The following GRIA1 variants were observed in gnomAD, a reference collection of about 807,000 sequenced individuals.
GRIA1 encodes glutamate ionotropic receptor AMPA type subunit 1, also known as glutamate receptor 1.
Under a neutral mutation model 99.2 loss-of-function variants are expected in GRIA1, and 31 were observed. That is an observed-to-expected ratio of 0.31 (90% confidence interval 0.23 to 0.42). The LOEUF is 0.42. Among genes scored for constraint, GRIA1 ranks in the 10% least tolerant of loss-of-function variants. The pLI, the probability that GRIA1 is intolerant of heterozygous loss-of-function variation, is 1.00. For synonymous variants in GRIA1, 438 were observed against 432.4 expected (o/e 1.01, Z -0.16); for missense variants, 782 against 1,157.5 (o/e 0.68, Z 4.71).
At chr5:153,647,483 T>C (rs570471273) in intron 3 of GRIA1, among the ~76,000 whole-genome samples, 1 of 152,260 alleles carries the variant, frequency 6.6e-6, no homozygotes, top group South Asian at 2.1e-4. Context: ...CTAGGTTCTG[T>C]CCTCTCCAGC....
chr5:153,731,210 TTCTCTCTG>T (rs1561810005), intron 11 of GRIA1, among the ~76,000 whole-genome samples: 2 of 151,452 alleles, frequency 1.3e-5, no homozygotes, highest in South Asian at 2.1e-4. Flanking sequence ...CTCTCTCTCT[TTCTCTCTG>T]TCTCTCTTTC....
At chr5:153,745,898 T>G (rs1762126879) in intron 11 of GRIA1, among the ~76,000 whole-genome samples, 1 of 152,222 alleles carries the variant, frequency 6.6e-6, no homozygotes, top group Non-Finnish European at 1.5e-5. Context: ...CATCTTTCAC[T>G]TCTGAGAGTG....
At chr5:153,554,270 C>T (rs1401971220) in intron 2 of GRIA1, among the ~76,000 whole-genome samples, 2 of 152,150 alleles carry the variant, frequency 1.3e-5, no homozygotes, top group African/African-American at 4.8e-5. Flanking sequence ...AAACATTTCT[C>T]AGGACCAGAA....
intron 11 of GRIA1, among the ~76,000 whole-genome samples, chr5:153,743,736 G>A (rs1024058070): frequency 6.6e-6 from 1 of 152,178 alleles, no homozygotes; most frequent in African/African-American, 2.4e-5. Context: ...AAGTTCAACT[G>A]ATTAATAAAC....
At chr5:153,726,327 A>G (rs2149549601) in intron 11 of GRIA1, among the ~76,000 whole-genome samples, 1 of 149,260 alleles carries the variant, frequency 6.7e-6, no homozygotes, top group East Asian at 2.0e-4. Flanking sequence ...CACAATTAAA[A>G]GAACTAGAAA....
At chr5:153,637,680 G>T (rs1207101786) in intron 2 of GRIA1, among the ~76,000 whole-genome samples, 2 of 152,122 alleles carry the variant, frequency 1.3e-5, no homozygotes, top group East Asian at 3.9e-4. Context: ...ATACATTAAG[G>T]CTGGTGGGGT....
intron 11 of GRIA1, among the ~76,000 whole-genome samples, chr5:153,739,709 C>G (rs1761646400): frequency 6.6e-6 from 1 of 152,202 alleles, no homozygotes; most frequent in Non-Finnish European, 1.5e-5. Context: ...AATCTTTTCT[C>G]AACTTCATCC....
chr5:153,549,968 G>A (rs1001431137), intron 2 of GRIA1, among the ~76,000 whole-genome samples: 9 of 152,014 alleles, frequency 5.9e-5, no homozygotes, highest in African/African-American at 2.2e-4. Flanking sequence ...GCTTACTATC[G>A]GTATGAAATT....
At chr5:153,702,884 GA>G (rs1489029395) in intron 10 of GRIA1, among the ~76,000 whole-genome samples, 1 of 152,186 alleles carries the variant, frequency 6.6e-6, no homozygotes, top group African/African-American at 2.4e-5. Flanking sequence ...TGAAATTGGT[GA>G]AACAAGAATT....
intron 4 of GRIA1, among the ~76,000 whole-genome samples, chr5:153,652,364 A>G (rs1316369894): frequency 6.6e-6 from 1 of 152,236 alleles, no homozygotes; most frequent in African/African-American, 2.4e-5. Flanking sequence ...TATACCAGAT[A>G]CTATGCCAAG....
intron 14 of GRIA1, among the ~76,000 whole-genome samples, chr5:153,797,293 T>A (rs1224531971): frequency 6.6e-6 from 1 of 152,200 alleles, no homozygotes; most frequent in Non-Finnish European, 1.5e-5. Context: ...CAAGATAACA[T>A]GTCCGACATA....
rs76922537 is a variant in GRIA1 at position 153,743,643 on chromosome 5, T to C, written c.1824-20791T>C. On this transcript the variant is annotated intron_variant, in intron 11 of 15. Transcript: ENST00000285900. Reference sequence around the variant, plus strand: ...CCCACTTCAAATCTCTCTGTCTTCCTCTTCTTCCTCCAGATGGAGAAAATT... The same window carrying C: ...CCCACTTCAAATCTCTCTGTCTTCCCCTTCTTCCTCCAGATGGAGAAAATT... 6.8e-3 allele frequency among the ~76,000 whole-genome samples: 1,041 copies of C among 152,228 alleles called. 7 individuals are homozygous for C. The highest frequency in any genetic ancestry group is 0.023 in the African/African-American group (974 of 41,504).
intron 2 of GRIA1, among the ~76,000 whole-genome samples, chr5:153,563,249 T>C (rs991715497): frequency 6.6e-6 from 1 of 152,160 alleles, no homozygotes; most frequent in Non-Finnish European, 1.5e-5. Context: ...TTTTCCCTTT[T>C]AAGTCAGTCA....
intron 2 of GRIA1, among the ~76,000 whole-genome samples, chr5:153,608,666 T>C (rs1424191169): frequency 6.6e-6 from 1 of 152,212 alleles, no homozygotes; most frequent in Non-Finnish European, 1.5e-5. Context: ...ATAGTAAGCA[T>C]AGTTGATTAT....
rs140979320 is a variant in GRIA1 at position 153,667,760 on chromosome 5, G to C, written c.700-6740G>C. ...GCACGTGATAATTAATAGTCATAAT[G>C]ATGGCCCAGAGCCTCTTCAAGATTC... On this transcript the variant is annotated intron_variant, in intron 5 of 15. Transcript: ENST00000285900. Among the ~76,000 whole-genome samples the C allele has an allele frequency of 4.0e-3, 610 of 152,240 alleles. 6 individuals carry two copies. The highest frequency in any genetic ancestry group is 0.024 in the Middle Eastern group (7 of 294).
At position 153,650,493 on chromosome 5, in the gene GRIA1, C is replaced by T. The variant is rs774608617; in HGVS notation, c.624C>T (p.Arg208=). 2.5e-6 allele frequency: 4 copies of T among 1,613,670 alleles called. No homozygotes were observed. Among genetic ancestry groups the T allele is most frequent in the South Asian group, 1.1e-5 (1 of 91,054 alleles). Residue 208 remains arginine, a synonymous_variant, in exon 4 of 16, where the codon CGC becomes CGT. Coordinates refer to ENST00000285900, the MANE Select transcript of GRIA1 (RefSeq NM_000827.4). ...RLVVVDCESE[R]LNAILGQIIK... is the part of the protein sequence containing the mutation. ...TGGTGGTGGACTGTGAATCAGAACG[C>T]CTCAATGCTATCTTGGGCCAGGTAG... is the stretch of plus-strand genomic sequence containing the variant.
At chr5:153,639,285 A>C (rs1753616457) in intron 2 of GRIA1, among the ~76,000 whole-genome samples, 2 of 152,194 alleles carry the variant, frequency 1.3e-5, no homozygotes, top group Admixed American at 6.5e-5. Context: ...CCACACATGA[A>C]GTGCCGGATA....
intron 2 of GRIA1, among the ~76,000 whole-genome samples, chr5:153,513,251 C>A (rs1276176080): frequency 1.3e-5 from 2 of 152,084 alleles, no homozygotes; most frequent in African/African-American, 4.8e-5. Flanking sequence ...ATTTGGGAAC[C>A]AGAGGGAGTC....
intron 2 of GRIA1, among the ~76,000 whole-genome samples, chr5:153,619,936 T>TGC (rs1422625457): frequency 2.0e-5 from 3 of 152,168 alleles, no homozygotes; most frequent in Non-Finnish European, 4.4e-5. Flanking sequence ...ACTTACCGCT[T>TGC]CCCTGTAGAT....
Sources: gnomAD v4.1 joint callset for allele counts (sites outside exome capture counted in the v4.1 genomes callset) on GRCh38, gnomAD v4.1.1 for gene constraint, MANE v1.5 for transcripts, NCBI Gene and HGNC (gene_info 2026-07-23, HGNC 2026-07-21) for gene names.